Variants in DCAF6 observed in about 807,000 individuals in gnomAD.
DCAF6 encodes DDB1 and CUL4 associated factor 6.
DCAF6 carries 54 observed loss-of-function variants against 125.1 expected under a neutral mutation model. That is an observed-to-expected ratio of 0.43 (90% confidence interval 0.35 to 0.54). DCAF6 has a LOEUF of 0.54. Among genes scored for constraint, DCAF6 ranks in the 20% least tolerant of loss-of-function variants. The pLI, the probability that DCAF6 is intolerant of heterozygous loss-of-function variation, is 0.01. For synonymous variants in DCAF6, 371 were observed against 390.4 expected, an observed-to-expected ratio of 0.95 and a Z score of 0.58; for missense variants, 934 against 1,161.7, an observed-to-expected ratio of 0.80 and a Z score of 2.85.
chr1:168,015,814 G>T lies in DCAF6; in HGVS notation c.1412G>T (p.Arg471Leu). 2.0e-6 allele frequency: 3 copies of T among 1,526,318 alleles called. No individual in the cohort carries two copies. The highest frequency in any genetic ancestry group is 2.6e-6 in the Non-Finnish European group (3 of 1,133,780). 94.5% of individuals were successfully genotyped at this position (1,526,318 alleles called of 1,614,324 possible). Reference protein sequence around the residue: ...FLRGPEIALLRKRLQQLRLKK... With the variant: ...FLRGPEIALLLKRLQQLRLKK... ...AGGGGCCCTGAGATAGCTTTGCTTC[G>T]TAAGCGCCTGCAACAACTGAGGCTT... is the stretch of plus-strand genomic sequence containing the variant. The change falls in exon 11 of 22, where the codon CGT becomes CTT. Residue 471 changes from arginine to leucine, a missense_variant. Physicochemically the swap from Arg to Leu is moderately radical, Grantham distance 102. Coordinates refer to ENST00000367840, the MANE Select transcript of DCAF6 (RefSeq NM_001198956.2).
intron 17 of DCAF6, among the ~76,000 whole-genome samples, chr1:168,063,260 G>C (rs1691839868): frequency 6.6e-6 from 1 of 152,120 alleles, no homozygotes; most frequent in Non-Finnish European, 1.5e-5. Flanking sequence ...ATATGGAGAA[G>C]AGGGGAAAGA....
chr1:167,975,479 TTAAA>T (rs1473512744), intron 4 of DCAF6, among the ~76,000 whole-genome samples: 2 of 152,216 alleles, frequency 1.3e-5, no homozygotes, highest in African/African-American at 4.8e-5. Context: ...CTGAGCTGAA[TTAAA>T]TAAGGTGGAA....
intron 12 of DCAF6, among the ~76,000 whole-genome samples, chr1:168,033,926 A>G (rs1267166950): frequency 6.6e-6 from 1 of 152,258 alleles, no homozygotes; most frequent in Non-Finnish European, 1.5e-5. Flanking sequence ...TGAGCACACT[A>G]CAAATAAATA....
the DCAF6 span, among the ~76,000 whole-genome samples, chr1:167,863,950 C>T: frequency 2.0e-5 from 3 of 152,098 alleles, no homozygotes; most frequent in Admixed American, 6.5e-5. Flanking sequence ...GTTTGAATTA[C>T]TTGACAGGAC....
chr1:168,071,695 T>C (rs535794047), intron 21 of DCAF6, among the ~76,000 whole-genome samples: 4 of 152,154 alleles, frequency 2.6e-5, no homozygotes, highest in Non-Finnish European at 5.9e-5. Context: ...TGCTACCACC[T>C]TTTTAAAACA....
intron 13 of DCAF6, among the ~76,000 whole-genome samples, chr1:168,042,195 A>G (rs1688635176): frequency 6.6e-6 from 1 of 151,904 alleles, no homozygotes; most frequent in South Asian, 2.1e-4. Flanking sequence ...TCTATAATTA[A>G]TGTTTTTTTA....
chr1:168,075,215 C>T (rs1033005429), intron 21 of DCAF6, among the ~76,000 whole-genome samples, 156 bp from the exon 22 acceptor site: 2 of 152,154 alleles, frequency 1.3e-5, no homozygotes, highest in African/African-American at 4.8e-5. Context: ...GCTAATAATA[C>T]TGTGTTTTCT....
the DCAF6 span, among the ~76,000 whole-genome samples, chr1:167,919,567 ACACTT>A: frequency 1.3e-5 from 2 of 152,244 alleles, no homozygotes; most frequent in African/African-American, 4.8e-5. Context: ...ACATAACAAT[ACACTT>A]AAGTTCCAAT....
chr1:167,949,536 T>G (rs1046458581), intron 1 of DCAF6, among the ~76,000 whole-genome samples: 2 of 152,202 alleles, frequency 1.3e-5, no homozygotes, highest in Non-Finnish European at 2.9e-5. Flanking sequence ...CAGCTGTGAT[T>G]AAAACCCATT....
chr1:167,985,765 A>T (rs1679917390), intron 4 of DCAF6, among the ~76,000 whole-genome samples: 1 of 152,156 alleles, frequency 6.6e-6, no homozygotes. Flanking sequence ...AGTATAAAAC[A>T]CCTACTGAAA....
chr1:167,974,819 G>T lies in DCAF6; in HGVS notation c.253-11G>T, dbSNP rs747030498. The T allele has an allele frequency of 1.3e-6, 2 of 1,486,402 alleles. No individual in the cohort carries two copies. The highest frequency in any genetic ancestry group is 2.4e-5 in the East Asian group (1 of 41,152). The allele number at this position is 1,486,402 out of a possible 1,614,324, so 92.1% of individuals were successfully genotyped here. On this transcript the variant is annotated splice_polypyrimidine_tract_variant and intron_variant, in intron 3 of 21. Transcript: ENST00000367840. ...TAAGTTACCATTAACTGCTTTCTTT[G>T]TGTGTTTTAGGTTTTGACAACAATT... is the stretch of plus-strand genomic sequence containing the variant.
At chr1:168,070,993 G>C (rs982739217) in intron 21 of DCAF6, among the ~76,000 whole-genome samples, 1 of 152,166 alleles carries the variant, frequency 6.6e-6, no homozygotes, top group Non-Finnish European at 1.5e-5. Flanking sequence ...GGTTTGCAAA[G>C]CCTGTTATCC....
the DCAF6 span, among the ~76,000 whole-genome samples, chr1:167,924,865 A>T: frequency 9.2e-5 from 14 of 152,154 alleles, no homozygotes; most frequent in Non-Finnish European, 1.6e-4. Flanking sequence ...CTCAAGTAAC[A>T]CTCTCATCCC....
In DCAF6 at chr1:168,004,661, A is replaced by G. The variant is rs775746423; in HGVS notation, c.1246A>G (p.Thr416Ala). 3.7e-6 allele frequency: 6 copies of G among 1,613,856 alleles called. No homozygotes were observed. Among genetic ancestry groups the G allele is most frequent in the African/African-American group, 1.3e-5 (1 of 74,934 alleles). ...EQFLQPSTSS[T>A]MSAQAHSTSS... The stretch of plus-strand genomic sequence containing the variant: ...ATTTCTTCAGCCTTCTACATCCTCT[A>G]CAATGTCAGCTCAGGCTCATTCGAC... The change falls in exon 10 of 22, where the codon ACA becomes GCA. Residue 416 changes from threonine (T) to alanine (A), a missense_variant. Around this residue, in one of 5 missense-constraint regions of DCAF6, gnomAD observed 559 missense variants for 635.5 expected, o/e 0.88. Transcript: ENST00000367840.
intron 17 of DCAF6, chr1:168,056,213 TC>T: frequency 1.9e-6 from 3 of 1,612,554 alleles, no homozygotes; most frequent in Non-Finnish European, 2.5e-6. Context: ...AATTGCTGAT[TC>T]CCACTGTTCC....
Position 168,068,449 on chromosome 1 carries a change from ATC to A in DCAF6, c.2778_2779del (p.Asn926LysfsTer5). ...ATGTTGAGGATGTTGGCTTCACTTA[ATC>A]ATATCCGAGCTGGTAGGAACTTTAA... On this transcript the variant is annotated frameshift_variant, in exon 21 of 22. Transcript: ENST00000367840. LOFTEE classifies it high-confidence loss of function. 1 of 1,531,490 alleles carries A rather than the reference ATC, an allele frequency of 6.5e-7. No individual in the cohort carries two copies. The highest frequency in any genetic ancestry group is 8.8e-7 in the Non-Finnish European group (1 of 1,136,106). 94.9% of individuals were successfully genotyped at this position (1,531,490 alleles called of 1,614,324 possible).
intron 17 of DCAF6, among the ~76,000 whole-genome samples, chr1:168,051,969 C>T (rs1045248854): frequency 6.6e-6 from 1 of 151,860 alleles, no homozygotes; most frequent in African/African-American, 2.4e-5. Context: ...CAACCTCTGC[C>T]TCCAGAGTTA....
At chr1:167,926,795 C>T in the DCAF6 span, among the ~76,000 whole-genome samples, 1 of 152,180 alleles carries the variant, frequency 6.6e-6, no homozygotes, top group Non-Finnish European at 1.5e-5. Flanking sequence ...TATTTTATGG[C>T]TCTTCAGTTC....
At chr1:168,014,793 C>T (rs1684739602) in intron 10 of DCAF6, among the ~76,000 whole-genome samples, 1 of 152,210 alleles carries the variant, frequency 6.6e-6, no homozygotes, top group Non-Finnish European at 1.5e-5. Flanking sequence ...ACCTGGAACA[C>T]TCTTCCTCCA....
Sources: gnomAD v4.1 joint callset for allele counts (sites outside exome capture counted in the v4.1 genomes callset) on GRCh38, gnomAD v4.1.1 for gene constraint, gnomAD v4.1.1 regional missense constraint, MANE v1.5 for transcripts, NCBI Gene and HGNC (gene_info 2026-07-23, HGNC 2026-07-21) for gene names.